Variants in STK32B observed in about 807,000 individuals in gnomAD.
STK32B encodes the protein serine/threonine kinase 32B, also known as serine/threonine-protein kinase 32B.
Under a neutral mutation model 52.6 loss-of-function variants are expected in STK32B, and 43 were observed. The ratio of observed to expected loss-of-function variants is 0.82; its 90% CI spans 0.64 to 1.05. The LOEUF is 1.05. STK32B is among the 50% of genes least tolerant of loss of function. The pLI is 0.00. For missense variants in STK32B, 621 were observed against 534.6 expected (o/e 1.16, Z -1.59); for synonymous variants, 238 against 204.3 (o/e 1.17, Z -1.41).
At chr4:5,026,512 G>T in the STK32B span, among the ~76,000 whole-genome samples, 1 of 152,210 alleles carries the variant, frequency 6.6e-6, no homozygotes, top group Non-Finnish European at 1.5e-5. Flanking sequence ...ATCAGATCTT[G>T]TGAGAACTCA....
At chr4:5,170,326 T>C (rs1719261492) in intron 3 of STK32B, among the ~76,000 whole-genome samples, 1 of 152,182 alleles carries the variant, frequency 6.6e-6, no homozygotes, top group Non-Finnish European at 1.5e-5. Context: ...TTTATTATTA[T>C]ACTTTAAGTT....
intron 3 of STK32B, among the ~76,000 whole-genome samples, chr4:5,301,655 CTTTTCTTTCTT>C (rs1560298161): frequency 1.0e-5 from 1 of 96,916 alleles, no homozygotes; most frequent in Non-Finnish European, 2.0e-5. Flanking sequence ...ATTTGAGTTT[CTTTTCTTTCTT>C]TTTTTTTTTT....
chr4:5,396,316 T>C lies in STK32B; in HGVS notation c.435-1891T>C, dbSNP rs1461020792. Among the ~76,000 whole-genome samples the C allele has an allele frequency of 2.0e-5, 3 of 152,138 alleles. No individual in the cohort carries two copies. Among genetic ancestry groups the C allele is most frequent in the Non-Finnish European group, 4.4e-5 (3 of 68,008 alleles). The stretch of plus-strand genomic sequence containing the variant: ...CTGCTTCCATCTCCCCATGGCCTTC[T>C]TCTCTCCTGTGCCTGCATCCAAATC... On this transcript the variant is annotated intron_variant, in intron 4 of 11. Transcript: ENST00000282908. The surrounding 1 kb of genome is among the most constrained non-coding windows in gnomAD (Gnocchi z 4.7).
intron 1 of STK32B, among the ~76,000 whole-genome samples, chr4:5,091,999 C>G (rs1204997581): frequency 1.3e-5 from 2 of 152,108 alleles, no homozygotes. Flanking sequence ...CTAGAATAAA[C>G]AAATCCATAG....
intron 3 of STK32B, among the ~76,000 whole-genome samples, chr4:5,275,731 C>T (rs968083616): frequency 1.8e-4 from 28 of 151,942 alleles, no homozygotes; most frequent in Admixed American, 1.7e-3. Flanking sequence ...GAGTTAAAGA[C>T]GTTCTGGAAG....
intron 2 of STK32B, among the ~76,000 whole-genome samples, chr4:5,157,390 A>C (rs1717945736): frequency 6.6e-6 from 1 of 152,124 alleles, no homozygotes; most frequent in South Asian, 2.1e-4. Context: ...TATAAACAAT[A>C]AGTATGATGA....
chr4:5,143,124 T>TGTCTGTCC (rs202015144), intron 2 of STK32B, among the ~76,000 whole-genome samples: 24,878 of 150,534 alleles, frequency 0.17, 2,790 homozygotes, highest in East Asian at 0.51. Flanking sequence ...TCTGTCTGTC[T>TGTCTGTCC]GTCTGTCTAT....
the STK32B span, among the ~76,000 whole-genome samples, chr4:5,046,362 A>T: frequency 6.6e-6 from 1 of 152,190 alleles, no homozygotes; most frequent in Non-Finnish European, 1.5e-5. Flanking sequence ...TACAAAAATT[A>T]ACTCAAGATG....
chr4:5,203,873 A>G lies in STK32B; in HGVS notation c.260+35423A>G, dbSNP rs1722348763. ...TCCTGCAGAGATGCAAGTGCCTGGGAATTCACACACCCCTCCCAGGTGGCC... is the reference window on the plus strand; with the variant it reads ...TCCTGCAGAGATGCAAGTGCCTGGGGATTCACACACCCCTCCCAGGTGGCC... On this transcript the variant is annotated intron_variant, in intron 3 of 11. Transcript: ENST00000282908. 2.6e-5 allele frequency among the ~76,000 whole-genome samples: 4 copies of G among 152,058 alleles called. No homozygotes were observed. The South Asian group carries it at 8.3e-4, about 32-fold the overall frequency.
chr4:5,361,671 G>A (rs114537195), intron 4 of STK32B, among the ~76,000 whole-genome samples: 2,841 of 152,288 alleles, frequency 0.019, 89 homozygotes, highest in African/African-American at 0.064. Flanking sequence ...TTTGAAGAAC[G>A]TCTGGACTAG....
intron 1 of STK32B, among the ~76,000 whole-genome samples, chr4:5,121,442 A>G (rs746099014): frequency 6.6e-5 from 10 of 152,326 alleles, no homozygotes; most frequent in Middle Eastern, 6.8e-3. Flanking sequence ...TTCTTCTATT[A>G]AGGATTAGGG....
intron 3 of STK32B, among the ~76,000 whole-genome samples, chr4:5,247,302 C>T (rs1032382800): frequency 6.6e-5 from 10 of 152,218 alleles, no homozygotes; most frequent in Admixed American, 5.9e-4. Flanking sequence ...CTCACTGCTG[C>T]CTTGCAGTTA....
intron 3 of STK32B, among the ~76,000 whole-genome samples, chr4:5,306,117 G>A (rs1249558127): frequency 6.6e-6 from 1 of 152,012 alleles, no homozygotes; most frequent in African/African-American, 2.4e-5. Context: ...CTTGTTTGTG[G>A]TCTATCATGT....
intron 3 of STK32B, among the ~76,000 whole-genome samples, chr4:5,283,971 T>C (rs957762234): frequency 3.3e-5 from 5 of 152,136 alleles, no homozygotes; most frequent in African/African-American, 9.7e-5. Context: ...AATTGTACCA[T>C]AAAGGTGGTG....
intron 3 of STK32B, among the ~76,000 whole-genome samples, chr4:5,190,839 C>T (rs767097949): frequency 6.6e-6 from 1 of 152,026 alleles, no homozygotes; most frequent in Non-Finnish European, 1.5e-5. Flanking sequence ...AAGGCAGGTA[C>T]TATTATAGAT....
intron 3 of STK32B, among the ~76,000 whole-genome samples, chr4:5,205,714 GT>G (rs1722530059): frequency 6.9e-6 from 1 of 145,264 alleles, no homozygotes; most frequent in Non-Finnish European, 1.6e-5. Flanking sequence ...GTGTGTGTGT[GT>G]GTGTGTGTGT....
chr4:5,489,362 G>T (rs1296038096), intron 11 of STK32B, among the ~76,000 whole-genome samples: 1 of 152,082 alleles, frequency 6.6e-6, no homozygotes, highest in East Asian at 1.9e-4. Flanking sequence ...AAAGTTAAAT[G>T]CATGGTTTCC....
rs1394146511 is a variant in STK32B, at chr4:5,470,914, G to T, written c.1106+2844G>T. Among the ~76,000 whole-genome samples, 1 of 152,212 alleles carries T rather than the reference G, an allele frequency of 6.6e-6. No homozygotes were observed. Among genetic ancestry groups the T allele is most frequent in the Non-Finnish European group, 1.5e-5 (1 of 68,046 alleles). On this transcript the variant is annotated intron_variant, in intron 11 of 11. Coordinates refer to ENST00000282908, the MANE Select transcript of STK32B (RefSeq NM_018401.3). The surrounding 1 kb of genome is among the most constrained non-coding windows in gnomAD (Gnocchi z 4.6). Reference sequence around the variant, plus strand: ...AGTGTAGTGAGTCGAGGGCTGGTCAGGGGGAGCCAAGCATCAAGCCAGGCT... The same window carrying T: ...AGTGTAGTGAGTCGAGGGCTGGTCATGGGGAGCCAAGCATCAAGCCAGGCT...
intron 11 of STK32B, among the ~76,000 whole-genome samples, chr4:5,483,328 G>A (rs1718879257): frequency 6.6e-6 from 1 of 151,734 alleles, no homozygotes; most frequent in Non-Finnish European, 1.5e-5. Flanking sequence ...GAGTGTATGT[G>A]TCCAGGAATT....
Sources: gnomAD v4.1 joint callset for allele counts (sites outside exome capture counted in the v4.1 genomes callset) on GRCh38, gnomAD v4.1.1 for gene constraint, Gnocchi (gnomAD v3.1) non-coding constraint, MANE v1.5 for transcripts, NCBI Gene and HGNC (gene_info 2026-07-23, HGNC 2026-07-21) for gene names.